GPRC5A: variants seen among roughly 807,000 people sequenced by gnomAD.
GPRC5A encodes retinoic acid-induced protein 3.
A neutral mutation model predicts 22.5 loss-of-function variants in GPRC5A; 19 were observed. The observed-to-expected ratio is 0.85, with a 90% CI of 0.59 to 1.24. GPRC5A has a LOEUF of 1.24. GPRC5A is among the 50% of genes most tolerant of loss of function. The probability of loss-of-function intolerance (pLI) is 0.00; values close to 1 mark genes in which losing one functional copy is unlikely to be tolerated. For missense variants in GPRC5A, 471 were observed against 451.1 expected (o/e 1.04, Z -0.40); for synonymous variants, 192 against 184.5 (o/e 1.04, Z -0.33).
chr12:12,908,715 A>T lies in GPRC5A; in HGVS notation c.466A>T (p.Thr156Ser). ...DVIAIEYIVL[T>S]MNRTNVNVFS... Reference sequence around the variant, plus strand: ...TATCGCTATTGAATATATTGTCCTGACCATGAATAGGACCAACGTCAATGT... The same window carrying T: ...TATCGCTATTGAATATATTGTCCTGTCCATGAATAGGACCAACGTCAATGT... The change falls in exon 2 of 4, where the codon ACC (threonine) becomes TCC (serine). Residue 156 changes from threonine to serine, a missense_variant. Coordinates refer to ENST00000014914, the MANE Select transcript of GPRC5A (RefSeq NM_003979.4). 1 of 1,613,972 alleles carries T rather than the reference A, an allele frequency of 6.2e-7. No individual in the cohort carries two copies.
intron 1 of GPRC5A, among the ~76,000 whole-genome samples, chr12:12,894,684 T>C (rs1482861696): frequency 1.3e-5 from 2 of 151,816 alleles, no homozygotes; most frequent in African/African-American, 4.8e-5. Flanking sequence ...GCTGGGATTA[T>C]AGGTGTAAGC....
At position 12,914,578 on chromosome 12, in the gene GPRC5A, TTCTTTCTTTCTTTCTTTC is replaced by T. The variant is rs1354164472; in HGVS notation, c.*2043_*2060del. The T allele has an allele frequency of 1.1e-5, 1 of 87,588 alleles. No individual in the cohort carries two copies. Among genetic ancestry groups the T allele is most frequent in the African/African-American group, 7.0e-5 (1 of 14,264 alleles). 5.4% of individuals were successfully genotyped at this position (87,588 alleles called of 1,614,324 possible). ...TTTCTTTCTTTCTTTCTTTCTTTCT[TTCTTTCTTTCTTTCTTTC>T]TCTCTCTCTCTCTCTCTCTCTTTCT... On this transcript the variant is annotated 3_prime_UTR_variant, in exon 4 of 4. Coordinates refer to ENST00000014914, the MANE Select transcript of GPRC5A (RefSeq NM_003979.4).
intron 1 of GPRC5A, among the ~76,000 whole-genome samples, chr12:12,892,472 A>G (rs1863771625): frequency 3.3e-5 from 5 of 152,072 alleles, no homozygotes; most frequent in Admixed American, 3.3e-4. Context: ...GGTTCAAGCG[A>G]TTCTCCTGCC....
chr12:12,893,470 A>G (rs943662140), intron 1 of GPRC5A, among the ~76,000 whole-genome samples: 11 of 152,160 alleles, frequency 7.2e-5, no homozygotes, highest in Non-Finnish European at 1.3e-4. Context: ...TTGCTTGAGG[A>G]ATCTTTGACT....
chr12:12,899,011 C>T (rs1404099260), intron 1 of GPRC5A, among the ~76,000 whole-genome samples: 2 of 152,074 alleles, frequency 1.3e-5, no homozygotes, highest in East Asian at 1.9e-4. Flanking sequence ...GGGCAGTGGC[C>T]ACAATTTTAT....
In GPRC5A at chr12:12,915,923, T is replaced by G. The variant is rs1592354372; in HGVS notation, c.*3384T>G. ...CAGGTGGCAGAAGGTTGCTGCTCAT[T>G]TGAGCAGTACCTGTCACCCCTCCTC... On this transcript the variant is annotated 3_prime_UTR_variant, in exon 4 of 4. Transcript: ENST00000014914. 1.9e-6 allele frequency: 1 copy of G among 521,964 alleles called. No homozygotes were observed. Among genetic ancestry groups the G allele is most frequent in the Non-Finnish European group, 4.0e-6 (1 of 252,618 alleles). The allele number at this position is 521,964 out of a possible 1,614,324, so 32.3% of individuals were successfully genotyped here.
At chr12:12,911,723 T>G (rs1165103432) in intron 2 of GPRC5A, among the ~76,000 whole-genome samples, 1 of 152,004 alleles carries the variant, frequency 6.6e-6, no homozygotes, top group African/African-American at 2.4e-5. Flanking sequence ...CTCCTGACCT[T>G]GTGATCTGCC....
chr12:12,896,564 C>G (rs1169166040), intron 1 of GPRC5A, among the ~76,000 whole-genome samples: 1 of 152,188 alleles, frequency 6.6e-6, no homozygotes, highest in African/African-American at 2.4e-5. Context: ...ACATATTCAT[C>G]TCCAAAAAAT....
chr12:12,898,774 T>A (rs1026403625), intron 1 of GPRC5A, among the ~76,000 whole-genome samples: 1 of 152,198 alleles, frequency 6.6e-6, no homozygotes, highest in African/African-American at 2.4e-5. Context: ...GGCTTTTCCA[T>A]TCCCAAAGCC....
chr12:12,903,406 G>A (rs1030267763), intron 1 of GPRC5A, among the ~76,000 whole-genome samples: 1 of 151,942 alleles, frequency 6.6e-6, no homozygotes, highest in African/African-American at 2.4e-5. Context: ...TAAGTCTCTC[G>A]AGTAGCTGGG....
At chr12:12,903,638 A>G (rs1038748894) in intron 1 of GPRC5A, among the ~76,000 whole-genome samples, 1 of 152,178 alleles carries the variant, frequency 6.6e-6, no homozygotes, top group Non-Finnish European at 1.5e-5. Context: ...TCCCTGTTGC[A>G]TGATTGGGAG....
At chr12:12,898,649 T>G (rs1380162577) in intron 1 of GPRC5A, among the ~76,000 whole-genome samples, 2 of 152,328 alleles carry the variant, frequency 1.3e-5, no homozygotes, top group East Asian at 3.9e-4. Flanking sequence ...AGGTCGCATA[T>G]TTATCAAAGA....
intron 1 of GPRC5A, among the ~76,000 whole-genome samples, chr12:12,907,134 G>A (rs1863950096): frequency 6.6e-6 from 1 of 151,856 alleles, no homozygotes; most frequent in Non-Finnish European, 1.5e-5. Flanking sequence ...CCTAAGAAGA[G>A]GACCCAGCCG....
At chr12:12,895,034 T>C (rs1483746728) in intron 1 of GPRC5A, among the ~76,000 whole-genome samples, 2 of 152,168 alleles carry the variant, frequency 1.3e-5, no homozygotes, top group Admixed American at 6.5e-5. Context: ...CGCCTCAGCC[T>C]CCCAAAGTGC....
At chr12:12,899,132 A>G (rs535858331) in intron 1 of GPRC5A, among the ~76,000 whole-genome samples, 188 of 152,226 alleles carry the variant, frequency 1.2e-3, no homozygotes, top group Non-Finnish European at 2.2e-3. Flanking sequence ...GGGCTCAAGC[A>G]ATCCTCTTGC....
intron 1 of GPRC5A, among the ~76,000 whole-genome samples, chr12:12,902,326 A>T (rs1337548225): frequency 1.3e-5 from 2 of 151,250 alleles, no homozygotes; most frequent in African/African-American, 4.9e-5. Context: ...CATCCAGATT[A>T]AAAAAAATAG....
chr12:12,893,263 C>T (rs184784145), intron 1 of GPRC5A, among the ~76,000 whole-genome samples: 1 of 152,222 alleles, frequency 6.6e-6, no homozygotes, highest in Non-Finnish European at 1.5e-5. Context: ...CTGCACACGT[C>T]GCCTTGGAAG....
intron 1 of GPRC5A, among the ~76,000 whole-genome samples, chr12:12,905,491 G>A (rs568570596): frequency 1.2e-4 from 18 of 152,226 alleles, no homozygotes; most frequent in Non-Finnish European, 2.6e-4. Flanking sequence ...AAAAAGCATG[G>A]AACACAACAA....
intron 1 of GPRC5A, among the ~76,000 whole-genome samples, chr12:12,895,464 T>A (rs4763896): frequency 6.6e-6 from 1 of 150,998 alleles, no homozygotes; most frequent in East Asian, 1.9e-4. Flanking sequence ...ATGGTTTGGT[T>A]GTCTCCATCT....
Sources: allele counts gnomAD v4.1 joint callset (sites outside exome capture counted in the v4.1 genomes callset), GRCh38; gene constraint gnomAD v4.1.1; transcripts MANE v1.5; gene names NCBI Gene and HGNC (gene_info 2026-07-23, HGNC 2026-07-21).